ETS1: variants seen among roughly 807,000 people sequenced by gnomAD.
The protein encoded by ETS1 is protein C-ets-1.
ETS1 carries 15 observed loss-of-function variants against 58.6 expected under a neutral mutation model. The ratio of observed to expected loss-of-function variants is 0.26; its 90% CI spans 0.17 to 0.39. ETS1 has a LOEUF of 0.39. Among genes scored for constraint, ETS1 ranks in the 10% least tolerant of loss-of-function variants. The pLI is 1.00. For synonymous variants in ETS1, 214 were observed against 218.2 expected (o/e 0.98, Z 0.17); for missense variants, 417 against 610.5 (o/e 0.68, Z 3.34).
chr11:128,542,945 G>T (rs1361188426), intron 3 of ETS1, among the ~76,000 whole-genome samples: 2 of 152,122 alleles, frequency 1.3e-5, no homozygotes, highest in African/African-American at 2.4e-5. Context: ...GGCCGAGATG[G>T]GTGGATTACC....
intron 1 of ETS1, among the ~76,000 whole-genome samples, chr11:128,585,057 AAAG>A (rs1273843322): frequency 4.3e-5 from 1 of 23,214 alleles, no homozygotes; most frequent in South Asian, 7.7e-4. Flanking sequence ...AGAAAGAAAG[AAAG>A]AAAGAAAGAA....
At chr11:128,558,403 G>A (rs113653546) in intron 2 of ETS1, among the ~76,000 whole-genome samples, 12 of 152,170 alleles carry the variant, frequency 7.9e-5, no homozygotes, top group Admixed American at 2.0e-4. Context: ...CCAGCACTTC[G>A]GGAGGCCGAG....
intron 2 of ETS1, 27 bp downstream of exon 2, chr11:128,573,035 A>G: frequency 6.3e-7 from 1 of 1,580,190 alleles, no homozygotes; most frequent in Non-Finnish European, 8.6e-7. Flanking sequence ...GTGTGGGCAA[A>G]GGGGCAGGGA....
intron 2 of ETS1, among the ~76,000 whole-genome samples, chr11:128,563,383 T>C (rs996119664): frequency 2.0e-5 from 3 of 152,240 alleles, no homozygotes; most frequent in African/African-American, 7.2e-5. Context: ...ATGTCATAGA[T>C]GCTCATGCAC....
At chr11:128,468,289 G>A (rs1248165929) in intron 8 of ETS1, among the ~76,000 whole-genome samples, 13 of 152,220 alleles carry the variant, frequency 8.5e-5, no homozygotes. Flanking sequence ...CCCACTATCT[G>A]TCTCAATGAG....
At chr11:128,475,110 C>CA (rs1862287359) in intron 8 of ETS1, among the ~76,000 whole-genome samples, 2 of 152,280 alleles carry the variant, frequency 1.3e-5, no homozygotes, top group South Asian at 4.1e-4. Flanking sequence ...TTCCTAATCA[C>CA]ATGCCCACAG....
intron 3 of ETS1, among the ~76,000 whole-genome samples, chr11:128,515,529 T>C (rs1442581906): frequency 2.0e-5 from 3 of 152,338 alleles, no homozygotes; most frequent in African/African-American, 7.2e-5. Flanking sequence ...TTAGATGGTC[T>C]AAACCCTGAA....
chr11:128,476,385 G>A (rs1450794816), intron 8 of ETS1, among the ~76,000 whole-genome samples: 1 of 152,190 alleles, frequency 6.6e-6, no homozygotes, highest in Non-Finnish European at 1.5e-5. Context: ...AATAACCAAG[G>A]AGTACTCTCA....
intron 8 of ETS1, among the ~76,000 whole-genome samples, chr11:128,471,420 C>A (rs1216410490): frequency 6.6e-6 from 1 of 152,184 alleles, no homozygotes; most frequent in Non-Finnish European, 1.5e-5. Context: ...TGTGTGGGGG[C>A]GGCAGCAGGA....
At chr11:128,482,575 A>G (rs1187752503) in intron 7 of ETS1, among the ~76,000 whole-genome samples, 1 of 152,162 alleles carries the variant, frequency 6.6e-6, no homozygotes, top group Non-Finnish European at 1.5e-5. Context: ...GCAACCCCCC[A>G]AACATGAGGC....
At chr11:128,481,214 G>A (rs1179962806) in intron 7 of ETS1, among the ~76,000 whole-genome samples, 1 of 152,126 alleles carries the variant, frequency 6.6e-6, no homozygotes, top group African/African-American at 2.4e-5. Flanking sequence ...GAAAAGTGTA[G>A]GCAATATTTA....
At chr11:128,467,670 C>T (rs1358634115) in intron 8 of ETS1, among the ~76,000 whole-genome samples, 1 of 152,128 alleles carries the variant, frequency 6.6e-6, no homozygotes, top group Non-Finnish European at 1.5e-5. Flanking sequence ...AAGGGGAGCT[C>T]ACATGTTCAA....
intron 2 of ETS1, among the ~76,000 whole-genome samples, chr11:128,565,017 A>G (rs79891489): frequency 0.015 from 1,378 of 93,754 alleles, 23 homozygotes; most frequent in African/African-American, 0.057. Context: ...GTTCTTACAT[A>G]TCACCAAATA....
chr11:128,471,822 G>A (rs1416097440), intron 8 of ETS1, among the ~76,000 whole-genome samples: 1 of 152,242 alleles, frequency 6.6e-6, no homozygotes, highest in African/African-American at 2.4e-5. Context: ...GACTTTAGAA[G>A]TCTGAAGATT....
intron 3 of ETS1, chr11:128,522,146 C>T (rs1386992117): frequency 6.9e-6 from 9 of 1,309,462 alleles, no homozygotes; most frequent in Non-Finnish European, 6.8e-6. Flanking sequence ...TTCTTTCCCC[C>T]GCGCCCGGAC....
rs59753000 is a variant in ETS1 at position 128,509,550 on chromosome 11, ATTTTTTT to A, written c.215-18981_215-18975del. 6.7e-4 allele frequency among the ~76,000 whole-genome samples: 64 copies of A among 95,104 alleles called. 1 individual carries two copies. The highest frequency in any genetic ancestry group is 1.5e-3 in the Admixed American group (13 of 8,506). 62.4% of individuals were successfully genotyped at this position (95,104 alleles called of 152,430 possible). The stretch of plus-strand genomic sequence containing the variant: ...AATGCACCATGGAAATCAGGTGAAA[ATTTTTTT>A]TTTTTTTTTTTTTTTTTTTACTTTC... On this transcript the variant is annotated intron_variant, in intron 3 of 9. Transcript: ENST00000392668.
chr11:128,488,303 G>A (rs1162934688), intron 5 of ETS1, among the ~76,000 whole-genome samples: 1 of 152,178 alleles, frequency 6.6e-6, no homozygotes, highest in Non-Finnish European at 1.5e-5. Context: ...TTTTTCAACA[G>A]AAAGTGAAAA....
intron 3 of ETS1, among the ~76,000 whole-genome samples, chr11:128,512,218 G>A (rs1863410326): frequency 6.6e-6 from 1 of 152,168 alleles, no homozygotes; most frequent in Non-Finnish European, 1.5e-5. Flanking sequence ...CAATAATAAT[G>A]CTTCACTATT....
chr11:128,506,818 T>C (rs1271687277), intron 3 of ETS1, among the ~76,000 whole-genome samples: 2 of 152,022 alleles, frequency 1.3e-5, no homozygotes, highest in Non-Finnish European at 2.9e-5. Context: ...ACCACTTATG[T>C]GAGGACTAAA....
Sources: allele counts gnomAD v4.1 joint callset (sites outside exome capture counted in the v4.1 genomes callset), GRCh38; gene constraint gnomAD v4.1.1; transcripts MANE v1.5; gene names NCBI Gene and HGNC (gene_info 2026-07-23, HGNC 2026-07-21).